TMX1: variants seen among roughly 807,000 people sequenced by gnomAD.
TMX1 encodes the protein thioredoxin related transmembrane protein 1.
In TMX1, 25 loss-of-function variants were observed where a neutral mutation model predicts 36.6. The ratio of observed to expected loss-of-function variants is 0.68; its 90% CI spans 0.50 to 0.95. TMX1 has a LOEUF of 0.95. Among genes scored for constraint, TMX1 ranks in the 40% least tolerant of loss-of-function variants. The pLI, the probability that TMX1 is intolerant of heterozygous loss-of-function variation, is 0.00. For synonymous variants in TMX1, 133 were observed against 118.0 expected (o/e 1.13, Z -0.82); for missense variants, 347 against 339.6 (o/e 1.02, Z -0.17).
At chr14:51,253,031 A>G (rs575206586) in intron 7 of TMX1, among the ~76,000 whole-genome samples, 1 of 152,238 alleles carries the variant, frequency 6.6e-6, no homozygotes, top group African/African-American at 2.4e-5. Flanking sequence ...CATAGTCACA[A>G]TCTAAGAATA....
intron 1 of TMX1, 57 bp downstream of exon 1, chr14:51,240,501 G>C: frequency 6.4e-7 from 1 of 1,573,604 alleles, no homozygotes; most frequent in African/African-American, 1.3e-5. Context: ...ACTTCACCCC[G>C]CACGTTCCTC....
chr14:51,254,575 ATTTTG>A lies in TMX1; in HGVS notation c.*60_*64del, dbSNP rs1156842016. On this transcript the variant is annotated 3_prime_UTR_variant, in exon 8 of 8. Coordinates refer to ENST00000457354, the MANE Select transcript of TMX1 (RefSeq NM_030755.5). ...TTTTGATAAAAACAGAAGATTGATC[ATTTTG>A]TTTGGTTTGAAGTGAACTGTGACTT... 6 of 1,499,598 alleles carry A rather than the reference ATTTTG, an allele frequency of 4.0e-6. No individual in the cohort carries two copies. Among genetic ancestry groups the A allele is most frequent in the African/African-American group, 2.9e-5 (2 of 69,536 alleles). 92.9% of individuals were successfully genotyped at this position (1,499,598 alleles called of 1,614,324 possible). A position where few individuals can be genotyped will look rare whatever the true frequency, so the allele number is the denominator to read the frequency against.
At chr14:51,250,338 A>G (rs1286495840) in intron 7 of TMX1, among the ~76,000 whole-genome samples, 1 of 152,218 alleles carries the variant, frequency 6.6e-6, no homozygotes, top group Non-Finnish European at 1.5e-5. Flanking sequence ...TTTGCTCTTC[A>G]GCACCTCTGT....
At chr14:51,251,892 A>AT (rs2065815857) in intron 7 of TMX1, among the ~76,000 whole-genome samples, 1 of 152,180 alleles carries the variant, frequency 6.6e-6, no homozygotes, top group African/African-American at 2.4e-5. Context: ...TGTCTTAGAG[A>AT]AAGTGGTTAC....
intron 7 of TMX1, among the ~76,000 whole-genome samples, chr14:51,250,264 G>A (rs922778768): frequency 1.3e-5 from 2 of 152,278 alleles, no homozygotes; most frequent in Non-Finnish European, 2.9e-5. Context: ...TCTTGTAATT[G>A]TACTGTTAAT....
intron 4 of TMX1, among the ~76,000 whole-genome samples, chr14:51,248,825 C>A (rs1378000855): frequency 6.6e-6 from 1 of 152,082 alleles, no homozygotes; most frequent in Admixed American, 6.5e-5. Context: ...TTTTGTATAT[C>A]ATTAAAAGAT....
intron 2 of TMX1, chr14:51,244,180 C>T: frequency 2.6e-6 from 1 of 385,316 alleles, no homozygotes; most frequent in East Asian, 4.0e-5. Context: ...TGTGTATACA[C>T]CTCATTTCTT....
intron 1 of TMX1, among the ~76,000 whole-genome samples, chr14:51,241,486 G>C (rs1323080295): frequency 1.3e-5 from 2 of 152,116 alleles, no homozygotes; most frequent in Non-Finnish European, 2.9e-5. Flanking sequence ...AAATACTTTA[G>C]TTAACCTATG....
chr14:51,243,497 C>T (rs2065771668), intron 1 of TMX1, among the ~76,000 whole-genome samples: 1 of 152,170 alleles, frequency 6.6e-6, no homozygotes, highest in Non-Finnish European at 1.5e-5. Context: ...ATTTGTGACT[C>T]TGCATTATAA....
chr14:51,243,590 A>G (rs2065772121), intron 1 of TMX1, among the ~76,000 whole-genome samples: 1 of 152,198 alleles, frequency 6.6e-6, no homozygotes, highest in South Asian at 2.1e-4. Context: ...AAAGTTTTCT[A>G]AAGAGCTGTT....
intron 1 of TMX1, among the ~76,000 whole-genome samples, chr14:51,241,974 A>G (rs1483873770): frequency 6.6e-6 from 1 of 152,220 alleles, no homozygotes; most frequent in Non-Finnish European, 1.5e-5. Context: ...CTAAAAATAC[A>G]AAAAATTACC....
chr14:51,254,484 T>G lies in TMX1; in HGVS notation c.808T>G (p.Ser270Ala), dbSNP rs1312882288. ...TCCACAGAATGCCATAAGACAACGC[T>G]CTCTGGGTCCATCATTGGCCACAGA... ...DFPQNAIRQR[S>A]LGPSLATDKS Residue 270 changes from serine (S) to alanine (A), a missense_variant, in exon 8 of 8, where the codon TCT (serine) becomes GCT (alanine). Physicochemically the swap from Ser to Ala is moderately conservative, Grantham distance 99. Transcript: ENST00000457354. 6.2e-7 allele frequency: 1 copy of G among 1,605,470 alleles called. No homozygotes were observed. Among genetic ancestry groups the G allele is most frequent in the Non-Finnish European group, 8.5e-7 (1 of 1,177,808 alleles).
intron 1 of TMX1, among the ~76,000 whole-genome samples, chr14:51,241,245 T>C (rs1287399757): frequency 6.6e-6 from 1 of 152,192 alleles, no homozygotes; most frequent in East Asian, 1.9e-4. Flanking sequence ...TTTAATAATA[T>C]CTGTTCTGCC....
intron 1 of TMX1, 123 bp from the exon 2 acceptor site, chr14:51,243,733 A>G (rs1481298638): frequency 1.0e-5 from 7 of 680,806 alleles, no homozygotes; most frequent in Non-Finnish European, 1.3e-5. Flanking sequence ...TAACCACCTT[A>G]TCATCTTCAG....
In TMX1 at chr14:51,254,325, G is replaced by T; in HGVS notation, c.665-16G>T. 1.3e-6 allele frequency: 2 copies of T among 1,569,434 alleles called. No homozygotes were observed. The highest frequency in any genetic ancestry group is 4.1e-5 in the Admixed American group (2 of 48,288). ...AATACATCAACAAAAATACATTTTT[G>T]GTCTTTGTCTTTAAGAAAAATTATT... is the stretch of plus-strand genomic sequence containing the variant. On this transcript the variant is annotated splice_polypyrimidine_tract_variant and intron_variant, in intron 7 of 7. Transcript: ENST00000457354.
rs893381754 is a variant in TMX1 at position 51,256,917 on chromosome 14, A to C, written c.*2398A>C. 4 of 150,202 alleles carry C rather than the reference A, an allele frequency of 2.7e-5. No individual in the cohort carries two copies. 9.3% of individuals were successfully genotyped at this position (150,202 alleles called of 1,614,324 possible). ...GTTTTTGTTTTTGTTTTTTTTCTTC[A>C]GTGTGGGTACATGAAATTCAGCAAT... On this transcript the variant is annotated 3_prime_UTR_variant, in exon 8 of 8. Transcript: ENST00000457354.
intron 7 of TMX1, among the ~76,000 whole-genome samples, chr14:51,252,983 C>T (rs2065821823): frequency 6.6e-6 from 1 of 152,164 alleles, no homozygotes; most frequent in Non-Finnish European, 1.5e-5. Flanking sequence ...ATCAGTTTGG[C>T]CCTTTCCAGT....
intron 4 of TMX1, among the ~76,000 whole-genome samples, chr14:51,248,113 A>T (rs995210253): frequency 6.6e-6 from 1 of 152,254 alleles, no homozygotes; most frequent in Non-Finnish European, 1.5e-5. Context: ...AGCTTTATAG[A>T]TATCTAGAGG....
intron 7 of TMX1, among the ~76,000 whole-genome samples, chr14:51,251,350 G>GTA (rs2065812272): frequency 6.6e-6 from 1 of 152,148 alleles, no homozygotes; most frequent in African/African-American, 2.4e-5. Context: ...TGTAAGGATA[G>GTA]GTTAGTTGTA....
Sources: allele counts gnomAD v4.1 joint callset (sites outside exome capture counted in the v4.1 genomes callset), GRCh38; gene constraint gnomAD v4.1.1; transcripts MANE v1.5; gene names NCBI Gene and HGNC (gene_info 2026-07-23, HGNC 2026-07-21).